FBXL7: variants seen among roughly 807,000 people sequenced by gnomAD.
FBXL7 encodes the protein F-box and leucine rich repeat protein 7.
A neutral mutation model predicts 38.3 loss-of-function variants in FBXL7; 12 were observed. That is an observed-to-expected ratio of 0.31 (90% CI 0.20 to 0.51). The LOEUF (loss-of-function observed/expected upper bound fraction) is 0.51. FBXL7 is among the 20% of genes least tolerant of loss of function. The pLI is 0.98. For synonymous variants in FBXL7, 297 were observed against 300.9 expected (o/e 0.99, Z 0.13); for missense variants, 567 against 676.4 (o/e 0.84, Z 1.79).
chr5:15,570,970 T>C (rs942875195), intron 1 of FBXL7, among the ~76,000 whole-genome samples: 4 of 151,726 alleles, frequency 2.6e-5, no homozygotes, highest in Admixed American at 1.3e-4. Flanking sequence ...CACATGCCTG[T>C]AATCCCAGCT....
intron 1 of FBXL7, among the ~76,000 whole-genome samples, chr5:15,516,897 G>A (rs641200): frequency 0.013 from 2,035 of 152,298 alleles, 46 homozygotes; most frequent in African/African-American, 0.047. Flanking sequence ...CCCCAGCTAT[G>A]CTGAACTGTG....
At chr5:15,733,831 G>A (rs77707016) in intron 2 of FBXL7, among the ~76,000 whole-genome samples, 8,049 of 152,070 alleles carry the variant, frequency 0.053, 230 homozygotes, top group East Asian at 0.084. Context: ...GTTAATGGCC[G>A]GGTGCAGTGG....
At chr5:15,911,556 T>C (rs1266542576) in intron 2 of FBXL7, among the ~76,000 whole-genome samples, 3 of 117,194 alleles carry the variant, frequency 2.6e-5, no homozygotes, top group Non-Finnish European at 3.2e-5. Context: ...AGCTTTGTTC[T>C]GTTGCTGGTG....
intron 2 of FBXL7, among the ~76,000 whole-genome samples, chr5:15,812,847 A>G (rs1372387245): frequency 5.3e-5 from 8 of 152,230 alleles, no homozygotes; most frequent in Middle Eastern, 3.4e-3. Context: ...GGTCCTTCAC[A>G]TCCTTGTAAG....
rs1266658514 is a variant in FBXL7, at chr5:15,504,830, C to T, written c.37+4117C>T. 2.0e-5 allele frequency among the ~76,000 whole-genome samples: 3 copies of T among 152,186 alleles called. No individual in the cohort carries two copies. The East Asian group carries it at 5.8e-4, about 29-fold the overall frequency. On this transcript the variant is annotated intron_variant, in intron 1 of 3. Transcript: ENST00000504595. ...TTCAAGTGGGAAAAGAGAAGCTGCT[C>T]TCCCTGCCTTTTAAGGTTTCTGAGC... is the stretch of plus-strand genomic sequence containing the variant.
intron 2 of FBXL7, among the ~76,000 whole-genome samples, chr5:15,624,967 G>A (rs1176078857): frequency 5.4e-5 from 8 of 148,298 alleles, no homozygotes; most frequent in African/African-American, 2.0e-4. Context: ...TGATCTCTTT[G>A]CACATGCCCC....
At chr5:15,692,797 C>G (rs1052430785) in intron 2 of FBXL7, among the ~76,000 whole-genome samples, 1 of 152,194 alleles carries the variant, frequency 6.6e-6, no homozygotes, top group Non-Finnish European at 1.5e-5. Flanking sequence ...AGTCTGCTCT[C>G]AGCCATCCAA....
At chr5:15,575,078 G>C (rs889144789) in intron 1 of FBXL7, among the ~76,000 whole-genome samples, 4 of 152,106 alleles carry the variant, frequency 2.6e-5, no homozygotes, top group Non-Finnish European at 5.9e-5. Flanking sequence ...CTAGTGAGTA[G>C]AAGTCAGGGA....
At chr5:15,529,476 C>A (rs893305560) in intron 1 of FBXL7, among the ~76,000 whole-genome samples, 1 of 152,076 alleles carries the variant, frequency 6.6e-6, no homozygotes, top group Non-Finnish European at 1.5e-5. Flanking sequence ...AGCTCTGCCC[C>A]CTGGGTTCAC....
At position 15,865,556 on chromosome 5, in the gene FBXL7, A is replaced by G. The variant is rs562078143; in HGVS notation, c.128-62334A>G. ...GACCCACGGATGAAGCTAAGAATTG[A>G]TGACAAGCCTCTCACTCTTAGCACC... On this transcript the variant is annotated intron_variant, in intron 2 of 3. Coordinates refer to ENST00000504595, the MANE Select transcript of FBXL7 (RefSeq NM_012304.5). Among the ~76,000 whole-genome samples the G allele has an allele frequency of 9.9e-5, 15 of 152,262 alleles. 1 individual carries two copies. The highest frequency in any genetic ancestry group is 3.6e-4 in the African/African-American group (15 of 41,562).
At chr5:15,768,500 T>C (rs34894816) in intron 2 of FBXL7, among the ~76,000 whole-genome samples, 28,931 of 150,172 alleles carry the variant, frequency 0.19, 2,764 homozygotes, top group South Asian at 0.24. Context: ...CACTGCACTC[T>C]AGCCTGGGCG....
At chr5:15,830,641 T>G (rs1738432533) in intron 2 of FBXL7, among the ~76,000 whole-genome samples, 1 of 152,166 alleles carries the variant, frequency 6.6e-6, no homozygotes, top group Admixed American at 6.5e-5. Context: ...GCCACCAGAC[T>G]GGGGCCCACC....
chr5:15,580,865 G>A, intron 1 of FBXL7: 3 of 958,164 alleles, frequency 3.1e-6, no homozygotes, highest in East Asian at 1.2e-4. Flanking sequence ...GTTGATGCAT[G>A]GCTGGAAGGG....
intron 1 of FBXL7, among the ~76,000 whole-genome samples, chr5:15,568,651 T>C (rs1738667832): frequency 6.6e-6 from 1 of 151,874 alleles, no homozygotes; most frequent in African/African-American, 2.4e-5. Flanking sequence ...GTTTTAGACA[T>C]GAAGTCCTTG....
At chr5:15,924,315 C>A (rs978812132) in intron 2 of FBXL7, among the ~76,000 whole-genome samples, 1 of 152,194 alleles carries the variant, frequency 6.6e-6, no homozygotes, top group Non-Finnish European at 1.5e-5. Context: ...TACTTCCATT[C>A]AATTCAAGAT....
intron 2 of FBXL7, among the ~76,000 whole-genome samples, chr5:15,911,511 T>G (rs569965350): frequency 0.015 from 1,973 of 135,866 alleles, 182 homozygotes; most frequent in Admixed American, 0.12. Flanking sequence ...GTCTGAAGCC[T>G]TCTTCTCTCA....
At chr5:15,581,789 G>A (rs1479754630) in intron 1 of FBXL7, among the ~76,000 whole-genome samples, 1 of 152,020 alleles carries the variant, frequency 6.6e-6, no homozygotes, top group Non-Finnish European at 1.5e-5. Flanking sequence ...ACAGTTGTGT[G>A]TGAATTTGTG....
intron 2 of FBXL7, among the ~76,000 whole-genome samples, chr5:15,839,128 G>A (rs1339155692): frequency 1.3e-5 from 2 of 150,358 alleles, no homozygotes; most frequent in Non-Finnish European, 3.0e-5. Context: ...CCTACTGTTA[G>A]TACTTAGATT....
intron 2 of FBXL7, among the ~76,000 whole-genome samples, chr5:15,784,005 C>T (rs1737070017): frequency 6.6e-6 from 1 of 152,162 alleles, no homozygotes. Context: ...TCAGGTCTAG[C>T]ATGGTGGCCC....
Sources: gnomAD v4.1 joint callset for allele counts (sites outside exome capture counted in the v4.1 genomes callset) on GRCh38, gnomAD v4.1.1 for gene constraint, MANE v1.5 for transcripts, NCBI Gene and HGNC (gene_info 2026-07-23, HGNC 2026-07-21) for gene names.